Variants in MGAT5 observed in about 807,000 individuals in gnomAD.
The protein encoded by MGAT5 is alpha-1,6-mannosylglycoprotein 6-beta-N-acetylglucosaminyltransferase, also known as alpha-1,6-mannosylglycoprotein 6-beta-N-acetylglucosaminyltransferase A.
In MGAT5, 30 loss-of-function variants were observed where a neutral mutation model predicts 94.3. The ratio of observed to expected loss-of-function variants is 0.32; its 90% confidence interval spans 0.24 to 0.43. MGAT5 has a LOEUF of 0.43. MGAT5 is among the 20% of genes least tolerant of loss of function. The pLI is 1.00. For synonymous variants in MGAT5, 310 were observed against 322.9 expected (o/e 0.96, Z 0.43); for missense variants, 691 against 905.5 (o/e 0.76, Z 3.04).
At chr2:134,172,122 T>G (rs1178569887) in intron 1 of MGAT5, among the ~76,000 whole-genome samples, 1 of 152,172 alleles carries the variant, frequency 6.6e-6, no homozygotes, top group Non-Finnish European at 1.5e-5. Flanking sequence ...CAGTACAAAT[T>G]TATTGAGCTT....
intron 1 of MGAT5, among the ~76,000 whole-genome samples, chr2:134,256,045 A>G (rs1682943497): frequency 6.6e-6 from 1 of 152,200 alleles, no homozygotes; most frequent in Non-Finnish European, 1.5e-5. Context: ...TCTAGTTCTT[A>G]CTATGTAAAT....
Position 134,226,640 on chromosome 2 carries a change from G to A in MGAT5, c.-142-27622G>A, listed in dbSNP as rs1006945684. On this transcript the variant is annotated intron_variant, in intron 1 of 16. Coordinates refer to the MGAT5 transcript ENST00000409645. ...TTCAAGATGATGTTAAGAATGAAAC[G>A]AGCTAGTGTAGACAGAAAGTCTGGT... is the stretch of plus-strand genomic sequence containing the variant. 2.6e-5 allele frequency among the ~76,000 whole-genome samples: 4 copies of A among 152,156 alleles called. No homozygotes were observed. In the South Asian group the frequency reaches 6.2e-4, roughly 24 times the overall value.
intron 15 of MGAT5, 147 bp downstream of exon 15, chr2:134,442,062 C>T (rs1364891046): frequency 2.3e-6 from 2 of 870,952 alleles, no homozygotes; most frequent in East Asian, 2.6e-5. Flanking sequence ...GCAGCAGGAT[C>T]CCCCTAGAGA....
intron 1 of MGAT5, among the ~76,000 whole-genome samples, chr2:134,163,791 G>A (rs1190693654): frequency 6.6e-6 from 1 of 152,198 alleles, no homozygotes; most frequent in African/African-American, 2.4e-5. Context: ...GACCTGTATA[G>A]CAGTTTGAGT....
intron 2 of MGAT5, among the ~76,000 whole-genome samples, chr2:134,311,028 T>C (rs1257445844): frequency 6.6e-6 from 1 of 152,232 alleles, no homozygotes; most frequent in East Asian, 1.9e-4. Flanking sequence ...AATGCTACCT[T>C]GTCTGACACA....
Position 134,326,803 on chromosome 2 carries a change from G to C in MGAT5, c.573+8064G>C, listed in dbSNP as rs190954318. 2.3e-4 allele frequency among the ~76,000 whole-genome samples: 35 copies of C among 152,202 alleles called. No individual in the cohort carries two copies. In the East Asian group the frequency reaches 4.8e-3, roughly 21 times the overall value. Reference sequence around the variant, plus strand: ...GAAGTGATGGTGTCAGTTTTGGATAGAGTGGTCAGGATAGGCCCTACTGAG... The same window carrying C: ...GAAGTGATGGTGTCAGTTTTGGATACAGTGGTCAGGATAGGCCCTACTGAG... On this transcript the variant is annotated intron_variant, in intron 4 of 15. Transcript: ENST00000281923.
chr2:134,402,696 A>T, intron 10 of MGAT5, among the ~76,000 whole-genome samples: 1 of 152,240 alleles, frequency 6.6e-6, no homozygotes, highest in East Asian at 1.9e-4. Context: ...AGTTGGCTAT[A>T]TAATGTATTT....
intron 2 of MGAT5, among the ~76,000 whole-genome samples, chr2:134,272,849 A>T (rs1684111135): frequency 6.6e-6 from 1 of 152,322 alleles, no homozygotes; most frequent in Non-Finnish European, 1.5e-5. Flanking sequence ...AAATTATCAT[A>T]AAGGCATGTG....
At chr2:134,303,682 G>A (rs558135068) in intron 2 of MGAT5, among the ~76,000 whole-genome samples, 5 of 152,254 alleles carry the variant, frequency 3.3e-5, no homozygotes, top group South Asian at 4.1e-4. Flanking sequence ...TTTTATTGGA[G>A]CCTCCCTCAC....
At chr2:134,322,416 T>C (rs187287422) in intron 4 of MGAT5, among the ~76,000 whole-genome samples, 1 of 152,296 alleles carries the variant, frequency 6.6e-6, no homozygotes, top group African/African-American at 2.4e-5. Context: ...AACTTGGTGT[T>C]TTGATATGGG....
chr2:134,167,692 G>A (rs1213610358), intron 1 of MGAT5, among the ~76,000 whole-genome samples: 1 of 152,176 alleles, frequency 6.6e-6, no homozygotes, highest in Admixed American at 6.5e-5. Context: ...GTTATGGTGT[G>A]CAAGTCTTGT....
In MGAT5 at chr2:134,310,868, C is replaced by G. The variant is rs980519961; in HGVS notation, c.407-6661C>G. Among the ~76,000 whole-genome samples, 19 of 152,290 alleles carry G rather than the reference C, an allele frequency of 1.2e-4. 1 individual carries two copies. In the East Asian group the frequency reaches 3.3e-3, roughly 26 times the overall value. ...CCAAGCCAGCTGATGGAGGTGCTGG[C>G]AAGAGCTGTGTCTCCAAGCCCATTG... On this transcript the variant is annotated intron_variant, in intron 2 of 15. Transcript: ENST00000281923.
intron 10 of MGAT5, among the ~76,000 whole-genome samples, chr2:134,399,440 C>T (rs1019689038): frequency 1.3e-5 from 2 of 152,208 alleles, no homozygotes; most frequent in African/African-American, 4.8e-5. Context: ...CATGCGCTCT[C>T]CTTCCCTTTG....
intron 2 of MGAT5, among the ~76,000 whole-genome samples, chr2:134,272,662 T>C (rs1187433318): frequency 6.6e-6 from 1 of 152,230 alleles, no homozygotes; most frequent in Admixed American, 6.5e-5. Flanking sequence ...CCAATGTACA[T>C]GATTTTACTT....
At chr2:134,423,626 G>A (rs80106200) in intron 13 of MGAT5, among the ~76,000 whole-genome samples, 1 of 152,160 alleles carries the variant, frequency 6.6e-6, no homozygotes, top group Non-Finnish European at 1.5e-5. Context: ...TTTACACTTA[G>A]TTGCGATGCT....
intron 2 of MGAT5, among the ~76,000 whole-genome samples, chr2:134,300,196 T>G (rs1466262635): frequency 6.6e-6 from 1 of 152,192 alleles, no homozygotes; most frequent in African/African-American, 2.4e-5. Flanking sequence ...CTGATTACCT[T>G]TCAGATTTCC....
chr2:134,441,974 G>GA, intron 15 of MGAT5, 59 bp downstream of exon 15: 1 of 1,578,518 alleles, frequency 6.3e-7, no homozygotes, highest in Admixed American at 1.7e-5. Flanking sequence ...GGCCTTGTTG[G>GA]GTAGTCAGGT....
At chr2:134,219,749 CA>C (rs1680665366) in intron 1 of MGAT5, among the ~76,000 whole-genome samples, 1 of 152,112 alleles carries the variant, frequency 6.6e-6, no homozygotes, top group Non-Finnish European at 1.5e-5. Flanking sequence ...TACGGAATCA[CA>C]AAAACACAGT....
chr2:134,163,202 C>A (rs532860779), intron 1 of MGAT5, among the ~76,000 whole-genome samples: 11 of 152,064 alleles, frequency 7.2e-5, no homozygotes, highest in Non-Finnish European at 1.3e-4. Context: ...GGGAAAATAA[C>A]CTAGCTACGA....
Sources: allele counts gnomAD v4.1 joint callset (sites outside exome capture counted in the v4.1 genomes callset), GRCh38; gene constraint gnomAD v4.1.1; transcripts MANE v1.5; gene names NCBI Gene and HGNC (gene_info 2026-07-23, HGNC 2026-07-21).